The following HMCN1 variants were observed in gnomAD, a reference collection of about 807,000 sequenced individuals.
HMCN1 encodes the protein hemicentin-1.
HMCN1 carries 321 observed loss-of-function variants against 625.9 expected under a neutral mutation model. The observed-to-expected ratio is 0.51, with a 90% confidence interval of 0.47 to 0.56. The LOEUF (loss-of-function observed/expected upper bound fraction) is 0.56. HMCN1 is among the 20% of genes least tolerant of loss of function. The pLI, the probability that HMCN1 is intolerant of heterozygous loss-of-function variation, is 0.00. For missense variants in HMCN1, 6,588 were observed against 6,887.3 expected (o/e 0.96, Z 1.54); for synonymous variants, 2,425 against 2,417.6 (o/e 1.00, Z -0.09).
At position 185,911,639 on chromosome 1, in the gene HMCN1, G is replaced by A. The variant is rs1666425579; in HGVS notation, c.794-35G>A. The A allele has an allele frequency of 2.9e-6, 4 of 1,396,482 alleles. No homozygotes were observed. In the East Asian group the frequency reaches 9.1e-5, roughly 32 times the overall value. 86.5% of individuals were successfully genotyped at this position (1,396,482 alleles called of 1,614,324 possible). On this transcript the variant is annotated intron_variant, in intron 5 of 106. Coordinates refer to ENST00000271588, the MANE Select transcript of HMCN1 (RefSeq NM_031935.3). ...AGCTAATATACATAGCTGAGAGAAG[G>A]ATTGTGCTTGTTACCTTTATGTTCT...
chr1:185,975,080 C>T (rs1215691467), intron 15 of HMCN1, among the ~76,000 whole-genome samples: 3 of 152,154 alleles, frequency 2.0e-5, no homozygotes, highest in Admixed American at 6.6e-5. Flanking sequence ...CTGTCCATCA[C>T]CGCATTTACC....
chr1:186,134,314 G>A (rs1649439440), intron 86 of HMCN1, among the ~76,000 whole-genome samples: 1 of 152,090 alleles, frequency 6.6e-6, no homozygotes, highest in African/African-American at 2.4e-5. Context: ...AAGGTTCTGA[G>A]TTTATTTGAT....
At chr1:185,802,614 GGT>G (rs1658874502) in intron 1 of HMCN1, among the ~76,000 whole-genome samples, 1 of 152,090 alleles carries the variant, frequency 6.6e-6, no homozygotes. Context: ...CCAAGGAAAG[GGT>G]GTGTTTTAAG....
intron 36 of HMCN1, among the ~76,000 whole-genome samples, chr1:186,035,376 T>G (rs1655751779): frequency 2.6e-5 from 4 of 152,164 alleles, no homozygotes; most frequent in Admixed American, 6.6e-5. Flanking sequence ...TATTTTAGAC[T>G]TTTCAAAAAT....
At chr1:185,786,806 G>A (rs1657601648) in intron 1 of HMCN1, among the ~76,000 whole-genome samples, 1 of 152,088 alleles carries the variant, frequency 6.6e-6, no homozygotes, top group South Asian at 2.1e-4. Flanking sequence ...CATACTAGTG[G>A]TCTAATTTCC....
chr1:185,986,650 ATTC>A (rs1454617787), intron 19 of HMCN1, among the ~76,000 whole-genome samples: 3 of 151,992 alleles, frequency 2.0e-5, no homozygotes, highest in East Asian at 1.9e-4. Context: ...CAAAGGTGTT[ATTC>A]TTCTTACTGA....
intron 11 of HMCN1, among the ~76,000 whole-genome samples, chr1:185,944,196 G>A (rs1488143293): frequency 6.6e-6 from 1 of 152,090 alleles, no homozygotes; most frequent in Admixed American, 6.6e-5. Context: ...GGGTTCTTGG[G>A]TATTAACAGA....
chr1:186,024,145 T>C (rs17509907), intron 36 of HMCN1, among the ~76,000 whole-genome samples: 303 of 152,312 alleles, frequency 2.0e-3, no homozygotes, highest in Non-Finnish European at 3.1e-3. Context: ...TACCATAACA[T>C]ACGTAAACCA....
chr1:185,919,307 C>A (rs6662653), intron 6 of HMCN1, among the ~76,000 whole-genome samples: 15,855 of 152,070 alleles, frequency 0.1, 2,208 homozygotes, highest in African/African-American at 0.32. Context: ...TCCCAGCACT[C>A]CTGCAGTTTC....
intron 2 of HMCN1, 111 bp downstream of exon 2, chr1:185,846,207 C>A: frequency 1.3e-6 from 1 of 794,638 alleles, no homozygotes; most frequent in Non-Finnish European, 2.1e-6. Flanking sequence ...TTTTAAGGGA[C>A]CCAATAATTG....
chr1:185,834,125 C>T (rs1419541764), intron 1 of HMCN1, among the ~76,000 whole-genome samples: 2 of 152,166 alleles, frequency 1.3e-5, no homozygotes, highest in Admixed American at 1.3e-4. Context: ...TTCAAAATGT[C>T]ACAGTTGCTA....
At chr1:185,778,424 G>A (rs1184681402) in intron 1 of HMCN1, among the ~76,000 whole-genome samples, 5 of 150,524 alleles carry the variant, frequency 3.3e-5, no homozygotes, top group Admixed American at 6.6e-5. Context: ...GTATACATGC[G>A]CCATGTTGGT....
intron 55 of HMCN1, among the ~76,000 whole-genome samples, chr1:186,079,164 T>C (rs1659013189): frequency 6.6e-6 from 1 of 151,898 alleles, no homozygotes; most frequent in Admixed American, 6.6e-5. Context: ...ACACTAGCTC[T>C]CTTACACTGT....
chr1:186,015,404 A>G lies in HMCN1; in HGVS notation c.4876A>G (p.Thr1626Ala). The change falls in exon 31 of 107, where the codon ACT (threonine) becomes GCT (alanine). Residue 1626 changes from threonine to alanine, a missense_variant. Thr to Ala is a moderately conservative substitution (Grantham distance 58, BLOSUM62 0). Around this residue, in one of 3 missense-constraint regions of HMCN1, gnomAD observed 4,628 missense variants for 4,853.1 expected, o/e 0.95. Transcript: ENST00000271588. ...GTGTCATGTAGCCAATGTTGCTGGA[A>G]CTGCTGAAAAATCATTCCATGTGGA... Reference protein sequence around the residue: ...YTCHVANVAGTAEKSFHVDVY... With the variant: ...YTCHVANVAGAAEKSFHVDVY... The G allele has an allele frequency of 6.2e-7, 1 of 1,613,650 alleles. No individual in the cohort carries two copies. The highest frequency in any genetic ancestry group is 1.7e-5 in the Admixed American group (1 of 59,976).
At chr1:185,786,122 T>C (rs565935917) in intron 1 of HMCN1, among the ~76,000 whole-genome samples, 5 of 152,342 alleles carry the variant, frequency 3.3e-5, no homozygotes, top group African/African-American at 1.2e-4. Flanking sequence ...GTGAGATATT[T>C]TAGAAGAAGA....
At chr1:186,137,463 A>G in intron 87 of HMCN1, 35 bp from the exon 88 acceptor site, 1 of 1,605,712 alleles carries the variant, frequency 6.2e-7, no homozygotes, top group Non-Finnish European at 8.5e-7. Flanking sequence ...TTTTATTTGC[A>G]AAAGCTTAGA....
rs1651698797 is a variant in HMCN1 at position 185,982,317 on chromosome 1, G to A, written c.2718G>A (p.Gln906=). 2 of 1,613,048 alleles carry A rather than the reference G, an allele frequency of 1.2e-6. No homozygotes were observed. Among genetic ancestry groups the A allele is most frequent in the Admixed American group, 1.7e-5 (1 of 59,986 alleles). The part of the protein sequence containing the change: ...PSVANVIEGQ[Q]LTLPCTLLAG... ...TGGCCAATGTTATTGAAGGACAGCA[G>A]CTTACTTTGCCCTGTACTCTGTTAG... The change falls in exon 18 of 107, where the codon CAG becomes CAA. Residue 906 remains glutamine (Q), a synonymous_variant. Transcript: ENST00000271588.
intron 1 of HMCN1, among the ~76,000 whole-genome samples, chr1:185,809,274 ACT>A (rs960064372): frequency 1.3e-5 from 2 of 151,898 alleles, no homozygotes; most frequent in African/African-American, 4.8e-5. Flanking sequence ...CTTTGAAATA[ACT>A]CTCTCTTAAT....
intron 4 of HMCN1, 87 bp from the exon 5 acceptor site, chr1:185,909,248 ATT>A (rs1666275610): frequency 1.0e-6 from 1 of 990,826 alleles, no homozygotes; most frequent in African/African-American, 1.6e-5. Context: ...TGCCGGAGTC[ATT>A]TGATCACCCA....
Sources: allele counts gnomAD v4.1 joint callset (sites outside exome capture counted in the v4.1 genomes callset), GRCh38; gene constraint gnomAD v4.1.1; regional missense constraint gnomAD v4.1.1; transcripts MANE v1.5; gene names NCBI Gene and HGNC (gene_info 2026-07-23, HGNC 2026-07-21).